CNTNAP5: variants seen among roughly 807,000 people sequenced by gnomAD.
The protein encoded by CNTNAP5 is contactin associated protein family member 5, also known as contactin-associated protein-like 5.
Under a neutral mutation model 150.2 loss-of-function variants are expected in CNTNAP5, and 72 were observed. The observed-to-expected ratio is 0.48, with a 90% CI of 0.40 to 0.58. CNTNAP5 has a LOEUF of 0.58. Ranked by LOEUF, CNTNAP5 falls within the 20% of genes least tolerant of loss-of-function variation. The pLI, the probability that CNTNAP5 is intolerant of heterozygous loss-of-function variation, is 0.00. For synonymous variants in CNTNAP5, 672 were observed against 619.8 expected (o/e 1.08, Z -1.25); for missense variants, 1,636 against 1,626.2 (o/e 1.01, Z -0.10).
intron 1 of CNTNAP5, among the ~76,000 whole-genome samples, chr2:124,032,165 C>T (rs1358785156): frequency 2.6e-5 from 4 of 152,064 alleles, no homozygotes; most frequent in African/African-American, 4.8e-5. Context: ...ACACGGCATG[C>T]ACTTTAAGGC....
chr2:124,763,836 T>C (rs1158864420), intron 15 of CNTNAP5, 37 bp downstream of exon 15: 1 of 1,611,976 alleles, frequency 6.2e-7, no homozygotes, highest in South Asian at 1.1e-5. Context: ...CTCTCTGCAT[T>C]ACATGAGCAC....
chr2:124,719,814 T>C (rs1680015695), intron 13 of CNTNAP5, among the ~76,000 whole-genome samples: 1 of 152,318 alleles, frequency 6.6e-6, no homozygotes, highest in East Asian at 1.9e-4. Flanking sequence ...CGAGAAACTT[T>C]GCCTTAACAT....
chr2:124,122,395 CT>C (rs1420651390), intron 1 of CNTNAP5, among the ~76,000 whole-genome samples: 1 of 152,156 alleles, frequency 6.6e-6, no homozygotes, highest in East Asian at 1.9e-4. Flanking sequence ...AAAATTGTTT[CT>C]ATTTATCAGA....
chr2:124,553,520 A>AAT (rs397958175), intron 10 of CNTNAP5, among the ~76,000 whole-genome samples: 1 of 146,940 alleles, frequency 6.8e-6, no homozygotes, highest in Non-Finnish European at 1.5e-5. Context: ...AAAAAAAAAA[A>AAT]GTTAGAATGC....
At chr2:124,081,919 G>A (rs1682566575) in intron 1 of CNTNAP5, among the ~76,000 whole-genome samples, 2 of 152,154 alleles carry the variant, frequency 1.3e-5, no homozygotes, top group African/African-American at 4.8e-5. Flanking sequence ...TGTTGTCAAA[G>A]TATGAGAATT....
intron 11 of CNTNAP5, among the ~76,000 whole-genome samples, chr2:124,566,564 T>C (rs1334755822): frequency 6.6e-6 from 1 of 152,210 alleles, no homozygotes; most frequent in Non-Finnish European, 1.5e-5. Context: ...CCTATTTCCT[T>C]TTCTGTGAAA....
At position 124,119,362 on chromosome 2, in the gene CNTNAP5, C is replaced by CT. The variant is rs5834039; in HGVS notation, c.82+93644dup. On this transcript the variant is annotated intron_variant, in intron 1 of 23. Transcript: ENST00000682447. ...ATGAACATTTCTTAAGAGCAGGAAGCTTTTTTTTTTTTTTAATGCCTGTTG... is the reference window on the plus strand; with the variant it reads ...ATGAACATTTCTTAAGAGCAGGAAGCTTTTTTTTTTTTTTTAATGCCTGTTG... 5.5e-3 allele frequency among the ~76,000 whole-genome samples: 765 copies of CT among 139,534 alleles called. 4 individuals are homozygous for CT. The highest frequency in any genetic ancestry group is 0.019 in the African/African-American group (700 of 37,482). 91.5% of individuals were successfully genotyped at this position (139,534 alleles called of 152,430 possible). A position where few individuals can be genotyped will look rare whatever the true frequency, so the allele number is the denominator to read the frequency against.
intron 1 of CNTNAP5, among the ~76,000 whole-genome samples, chr2:124,131,293 T>C (rs1005132825): frequency 4.6e-5 from 7 of 152,222 alleles, no homozygotes; most frequent in African/African-American, 1.7e-4. Context: ...CTCGTTAAGA[T>C]CACACATTCT....
At chr2:124,656,331 C>T (rs761067709) in intron 13 of CNTNAP5, among the ~76,000 whole-genome samples, 6 of 152,066 alleles carry the variant, frequency 3.9e-5, no homozygotes, top group Admixed American at 1.3e-4. Context: ...ATGGGTTTGG[C>T]CCTCCATTTT....
intron 4 of CNTNAP5, among the ~76,000 whole-genome samples, chr2:124,429,943 G>A (rs188187986): frequency 1.2e-4 from 18 of 152,270 alleles, no homozygotes; most frequent in East Asian, 1.9e-4. Flanking sequence ...ATACCCTTCC[G>A]AGTCCATTGC....
chr2:124,622,244 A>C (rs182565695), intron 12 of CNTNAP5, among the ~76,000 whole-genome samples: 246 of 151,792 alleles, frequency 1.6e-3, no homozygotes, highest in Non-Finnish European at 2.6e-3. Flanking sequence ...TTCCTATGTT[A>C]GTTTGCTGAG....
At chr2:124,572,223 T>C (rs1696180963) in intron 11 of CNTNAP5, among the ~76,000 whole-genome samples, 1 of 151,996 alleles carries the variant, frequency 6.6e-6, no homozygotes, top group African/African-American at 2.4e-5. Context: ...GGGGAATGCT[T>C]CTTCTGGGAG....
chr2:124,311,774 G>C (rs190159253), intron 3 of CNTNAP5, among the ~76,000 whole-genome samples: 83 of 152,308 alleles, frequency 5.4e-4, no homozygotes, highest in Middle Eastern at 6.8e-3. Flanking sequence ...GCTAATAGCT[G>C]TCTATATGAT....
chr2:124,676,288 A>G (rs1678937844), intron 13 of CNTNAP5, among the ~76,000 whole-genome samples: 1 of 152,206 alleles, frequency 6.6e-6, no homozygotes, highest in African/African-American at 2.4e-5. Flanking sequence ...GTGGGATGTA[A>G]GAAACTAAGG....
chr2:124,322,054 G>A (rs1204592514), intron 3 of CNTNAP5, among the ~76,000 whole-genome samples: 5 of 151,998 alleles, frequency 3.3e-5, no homozygotes, highest in African/African-American at 1.2e-4. Flanking sequence ...GGAGACTGAG[G>A]CAGGAGAATC....
At chr2:124,674,509 C>CTCTTTCTTTCTTTCTTTCTTTCTTTCTT (rs768888927) in intron 13 of CNTNAP5, among the ~76,000 whole-genome samples, 1 of 115,366 alleles carries the variant, frequency 8.7e-6, no homozygotes, top group East Asian at 2.6e-4. Context: ...TTCTTTCTTT[C>CTCTTTCTTTCTTTCTTTCTTTCTTTCTT]TCTTTCTTTC....
intron 13 of CNTNAP5, among the ~76,000 whole-genome samples, chr2:124,680,411 T>C (rs980851592): frequency 6.6e-6 from 1 of 151,910 alleles, no homozygotes; most frequent in Non-Finnish European, 1.5e-5. Flanking sequence ...TGTCCCCAAC[T>C]GCATTCCTGT....
intron 22 of CNTNAP5, among the ~76,000 whole-genome samples, chr2:124,907,028 T>C (rs781617405): frequency 3.2e-4 from 49 of 152,090 alleles, no homozygotes; most frequent in Non-Finnish European, 5.0e-4. Flanking sequence ...GGGTGTGTCA[T>C]TGGATGCCCG....
chr2:124,651,974 C>T (rs1209813805), intron 13 of CNTNAP5, among the ~76,000 whole-genome samples: 3 of 152,134 alleles, frequency 2.0e-5, no homozygotes, highest in East Asian at 1.9e-4. Flanking sequence ...CATTTAGCAG[C>T]GGCAGAGGGA....
Sources: gnomAD v4.1 joint callset for allele counts (sites outside exome capture counted in the v4.1 genomes callset) on GRCh38, gnomAD v4.1.1 for gene constraint, MANE v1.5 for transcripts, NCBI Gene and HGNC (gene_info 2026-07-23, HGNC 2026-07-21) for gene names.